The following GREP1 variants were observed in gnomAD, a reference collection of about 807,000 sequenced individuals.
The protein encoded by GREP1 is glycine-rich extracellular protein 1.
intron 10 of GREP1, chr16:2,993,281 G>A (rs1348801523): frequency 9.0e-6 from 2 of 222,934 alleles, no homozygotes; most frequent in East Asian, 1.8e-4. Flanking sequence ...GGGACTAAAG[G>A]CTCAGAGAGC....
intron 10 of GREP1, chr16:2,993,979 C>CAACA (rs61262041): frequency 0.01 from 1,600 of 152,874 alleles, 28 homozygotes; most frequent in African/African-American, 0.036. Flanking sequence ...AACAAACAAA[C>CAACA]AACAACCAAA....
Position 2,989,478 on chromosome 16 carries a change from C to A in GREP1, c.101-45C>A. 4 of 399,264 alleles carry A rather than the reference C, an allele frequency of 1.0e-5. No homozygotes were observed. Among genetic ancestry groups the A allele is most frequent in the Non-Finnish European group, 4.4e-6 (1 of 226,242 alleles). The allele number at this position is 399,264 out of a possible 1,614,324, so 24.7% of individuals were successfully genotyped here. A position where few individuals can be genotyped will look rare whatever the true frequency, so the allele number is the denominator to read the frequency against. On this transcript the variant is annotated intron_variant, in intron 2 of 34. Coordinates refer to ENST00000573315, the Ensembl canonical transcript of GREP1. The surrounding 1 kb of genome is among the most constrained non-coding windows in gnomAD (Gnocchi z 4.2). Reference sequence around the variant, plus strand: ...TTGGGGAGGGTGGCACACCGGCTCCCAGCTGCTCCAGCACCCCGGGCTCAA... The same window carrying A: ...TTGGGGAGGGTGGCACACCGGCTCCAAGCTGCTCCAGCACCCCGGGCTCAA...
chr16:3,001,718 G>T lies in GREP1; in HGVS notation c.*132G>T, dbSNP rs144371264. On this transcript the variant is annotated 3_prime_UTR_variant, in exon 35 of 35. Transcript: ENST00000573315. ...TTCCCTGCTTGCCTCCGCGTGCCAT[G>T]CAAGGGGCTTGCTGACCAGGGTGGG... is the stretch of plus-strand genomic sequence containing the variant. 5.8e-4 allele frequency: 231 copies of T among 398,602 alleles called. 1 individual carries two copies. Among genetic ancestry groups the T allele is most frequent in the African/African-American group, 4.1e-3 (199 of 48,776 alleles). The allele number at this position is 398,602 out of a possible 1,614,324, so 24.7% of individuals were successfully genotyped here.
At chr16:2,994,468 C>T (rs933720541) in intron 10 of GREP1, 1 of 356,742 alleles carries the variant, frequency 2.8e-6, no homozygotes, top group Non-Finnish European at 5.0e-6. Flanking sequence ...AAGATCACGC[C>T]ATTGCTCTCC....
chr16:2,988,295 C>G, exon 1 of GREP1: 1 of 399,242 alleles, frequency 2.5e-6, no homozygotes, highest in African/African-American at 2.1e-5. Context: ...CTGGGCCTTC[C>G]CCGCAGCCCT....
intron 13 of GREP1, 86 bp downstream of exon 14, chr16:2,995,048 G>A (rs1451998750): frequency 5.0e-6 from 2 of 398,406 alleles, no homozygotes; most frequent in Non-Finnish European, 8.8e-6. Flanking sequence ...TGATGGAGAG[G>A]GGTGACGGGG....
chr16:2,990,863 C>A (rs990071081), intron 7 of GREP1, among the ~76,000 whole-genome samples, 185 bp from the exon 7 acceptor site: 1 of 152,034 alleles, frequency 6.6e-6, no homozygotes, highest in East Asian at 1.9e-4. Flanking sequence ...GAGCCCAGGG[C>A]GGGGAGGTGG....
chr16:2,994,287 C>T (rs1009468327), intron 10 of GREP1: 1 of 153,902 alleles, frequency 6.5e-6, no homozygotes, highest in Admixed American at 6.5e-5. Flanking sequence ...GCGGGCGGAT[C>T]ACTTGAGGTC....
At chr16:2,999,005 G>C (rs2151110349) in intron 26 of GREP1, 26 bp downstream of exon 24, 1 of 399,124 alleles carries the variant, frequency 2.5e-6, no homozygotes, top group East Asian at 3.6e-5. Flanking sequence ...GGGTGCCTAG[G>C]GGGCACTGGG....
At chr16:2,995,570 C>T (rs2072420319) in intron 15 of GREP1, 49 bp from the exon 16 acceptor site, 1 of 398,604 alleles carries the variant, frequency 2.5e-6, no homozygotes, top group African/African-American at 2.1e-5. Flanking sequence ...TCCCTTACCT[C>T]CACCTCAACC....
chr16:2,997,098 C>T lies in GREP1; in HGVS notation c.886+13C>T. On this transcript the variant is annotated intron_variant, in intron 21 of 34. Transcript: ENST00000573315. Reference sequence around the variant, plus strand: ...GCCCAGAAGCCAGGTGAGCCCTGCCCCGCCTGTCCCTCTGCCTCCCCCAAA... The same window carrying T: ...GCCCAGAAGCCAGGTGAGCCCTGCCTCGCCTGTCCCTCTGCCTCCCCCAAA... 2.5e-6 allele frequency: 1 copy of T among 399,248 alleles called. No individual in the cohort carries two copies. Among genetic ancestry groups the T allele is most frequent in the Non-Finnish European group, 4.4e-6 (1 of 226,178 alleles). The allele number at this position is 399,248 out of a possible 1,614,324, so 24.7% of individuals were successfully genotyped here. A position where few individuals can be genotyped will look rare whatever the true frequency, so the allele number is the denominator to read the frequency against.
At chr16:2,998,815 A>G (rs1049222145) in intron 25 of GREP1, 33 bp from the exon 24 acceptor site, 7 of 398,960 alleles carry the variant, frequency 1.8e-5, no homozygotes, top group Non-Finnish European at 3.1e-5. Context: ...GGCCTGGAGC[A>G]TAGCCCCACC....
chr16:2,990,611 G>A (rs991405479), intron 7 of GREP1, 24 bp downstream of exon 6: 4 of 399,098 alleles, frequency 1.0e-5, no homozygotes, highest in African/African-American at 8.2e-5. Flanking sequence ...AAGCGGGTAA[G>A]GAATGGGAGG....
chr16:2,998,843 C>T lies in GREP1; in HGVS notation c.1013-5C>T, dbSNP rs940435212. ...GCCCCACCCCTCCCTTCCTTCCCAT[C>T]GTAGGTCCCTGCAATGCGAGGGTCG... On this transcript the variant is annotated splice_polypyrimidine_tract_variant and splice_region_variant and intron_variant, in intron 25 of 34. Transcript: ENST00000573315. 6.0e-5 allele frequency: 24 copies of T among 399,004 alleles called. No individual in the cohort carries two copies. The highest frequency in any genetic ancestry group is 2.5e-4 in the East Asian group (7 of 28,096). 24.7% of individuals were successfully genotyped at this position (399,004 alleles called of 1,614,324 possible). A position where few individuals can be genotyped will look rare whatever the true frequency, so the allele number is the denominator to read the frequency against.
At chr16:2,988,824 G>A (rs902111826) in intron 2 of GREP1, 5 of 395,364 alleles carry the variant, frequency 1.3e-5, no homozygotes, top group Middle Eastern at 6.2e-4. Flanking sequence ...GTCTCCCGGG[G>A]CAGAACATGC....
chr16:2,997,597 T>A (rs1567398624), intron 22 of GREP1, among the ~76,000 whole-genome samples: 1 of 151,514 alleles, frequency 6.6e-6, no homozygotes, highest in Non-Finnish European at 1.5e-5. Context: ...GTTCCTAAAT[T>A]GGGAGGAAAG....
Position 2,989,597 on chromosome 16 carries a change from G to A in GREP1, c.130+45G>A, listed in dbSNP as rs555562385. 64 of 400,162 alleles carry A rather than the reference G, an allele frequency of 1.6e-4. No homozygotes were observed. The South Asian group carries it at 7.5e-3, about 47-fold the overall frequency. 24.8% of individuals were successfully genotyped at this position (400,162 alleles called of 1,614,324 possible). ...AGGGAGGCGTCTGAGGGCAGGGCAC[G>A]GGGCAGGGGGGAGGCAGGACAGGAA... is the stretch of plus-strand genomic sequence containing the variant. On this transcript the variant is annotated intron_variant, in intron 3 of 34. Coordinates refer to ENST00000573315, the Ensembl canonical transcript of GREP1. The surrounding 1 kb of genome is among the most constrained non-coding windows in gnomAD (Gnocchi z 4.2).
intron 1 of GREP1, 65 bp from the exon 2 acceptor site, chr16:2,988,525 G>T: frequency 5.0e-6 from 2 of 399,274 alleles, no homozygotes; most frequent in East Asian, 7.1e-5. Flanking sequence ...ATAGATGCCT[G>T]GGCGCTGCCC....
intron 33 of GREP1, 52 bp from the exon 28 acceptor site, chr16:3,001,229 C>T (rs561549438): frequency 3.0e-5 from 12 of 399,164 alleles, no homozygotes; most frequent in African/African-American, 1.6e-4. Flanking sequence ...CTGGGGTGGA[C>T]GGAAGCTCTC....
Sources: allele counts gnomAD v4.1 joint callset (sites outside exome capture counted in the v4.1 genomes callset), GRCh38; gene constraint gnomAD v4.1.1; non-coding constraint Gnocchi (gnomAD v3.1); transcripts MANE v1.5; gene names NCBI Gene and HGNC (gene_info 2026-07-23, HGNC 2026-07-21).